The following SHISA7 variants were observed in gnomAD, a reference collection of about 807,000 sequenced individuals.
The protein encoded by SHISA7 is protein shisa-7.
A neutral mutation model predicts 23.9 loss-of-function variants in SHISA7; 6 were observed. The observed-to-expected ratio is 0.25, with a 90% CI of 0.14 to 0.50. The LOEUF is 0.50. Among genes scored for constraint, SHISA7 ranks in the 20% least tolerant of loss-of-function variants. The probability of loss-of-function intolerance (pLI) is 0.98; values close to 1 mark genes in which losing one functional copy is unlikely to be tolerated. For synonymous variants in SHISA7, 386 were observed against 398.3 expected (o/e 0.97, Z 0.37); for missense variants, 671 against 801.1 (o/e 0.84, Z 1.96).
intron 3 of SHISA7, among the ~76,000 whole-genome samples, 174 bp downstream of exon 3, chr19:55,437,431 A>G (rs1985490975): frequency 6.6e-6 from 1 of 152,198 alleles, no homozygotes; most frequent in African/African-American, 2.4e-5. Flanking sequence ...AAAAAAAATC[A>G]GAAGTGATTC....
chr19:55,441,192 C>T (rs1985591498), intron 1 of SHISA7, among the ~76,000 whole-genome samples: 1 of 152,120 alleles, frequency 6.6e-6, no homozygotes, highest in South Asian at 2.1e-4. Flanking sequence ...ACGGATCGAA[C>T]CTCCAAAACA....
intron 2 of SHISA7, 125 bp downstream of exon 2, chr19:55,440,486 G>A (rs1985571079): frequency 8.7e-6 from 8 of 920,456 alleles, no homozygotes; most frequent in African/African-American, 1.7e-5. Context: ...GGCAGTGCAA[G>A]GCGGGCGTAG....
rs1023953712 is a variant in SHISA7 at position 55,433,697 on chromosome 19, C to A, written c.1076G>T (p.Gly359Val). 1.0e-5 allele frequency: 15 copies of A among 1,478,832 alleles called. No individual in the cohort carries two copies. Among genetic ancestry groups the A allele is most frequent in the South Asian group, 5.1e-5 (4 of 78,248 alleles). 91.6% of individuals were successfully genotyped at this position (1,478,832 alleles called of 1,614,324 possible). The change falls in exon 4 of 4, where the codon GGC (glycine) becomes GTC (valine). Residue 359 changes from glycine (G) to valine (V), a missense_variant. By Grantham distance (109) the Gly-to-Val change is moderately radical (BLOSUM62 -3). This residue lies in a region of SHISA7 where 457 missense variants were observed against 488.3 expected (regional missense o/e 0.94). Coordinates refer to ENST00000376325, the MANE Select transcript of SHISA7 (RefSeq NM_001145176.2). This position sits in a 1 kb window ranked among gnomAD's most constrained non-coding sequence, Gnocchi z 8.4. ...GCCCCAGGCCTCCATGCGATAGCCG[C>A]CCCCCGTGCCCGGCCGCCGCAGCGC... ...LHALRRPGTGGGYRMEAWGGP... is the reference protein window; with the variant it reads ...LHALRRPGTGVGYRMEAWGGP...
intron 3 of SHISA7, among the ~76,000 whole-genome samples, chr19:55,434,640 TTGTGTGTATGGTG>T (rs1985341761): frequency 2.7e-5 from 2 of 74,694 alleles, no homozygotes; most frequent in Admixed American, 1.5e-4. Context: ...GTGTGTGTGG[TTGTGTGTATGGTG>T]TGTGTGGTGT....
At position 55,443,157 on chromosome 19, in the gene SHISA7, A is replaced by T. The variant is rs548200222; in HGVS notation, c.-294T>A. The stretch of plus-strand genomic sequence containing the variant: ...CGGGCACGGCTGGGGGAGAGAAATG[A>T]GCATGGGCGGACAGAACCGGGATCA... On this transcript the variant is annotated 5_prime_UTR_variant, in exon 1 of 4. Transcript: ENST00000376325. 4.0e-5 allele frequency among the ~76,000 whole-genome samples: 6 copies of T among 151,664 alleles called. No homozygotes were observed. Among genetic ancestry groups the T allele is most frequent in the African/African-American group, 1.5e-4 (6 of 41,274 alleles).
chr19:55,437,525 G>A (rs1985493276), intron 3 of SHISA7, 80 bp downstream of exon 3: 10 of 1,451,888 alleles, frequency 6.9e-6, no homozygotes, highest in Non-Finnish European at 8.2e-6. Context: ...AGGCTCTTGG[G>A]CCACTGTCCA....
chr19:55,438,877 C>CCT (rs11431705), intron 2 of SHISA7, among the ~76,000 whole-genome samples: 54,972 of 151,622 alleles, frequency 0.36, 11,085 homozygotes, highest in African/African-American at 0.55. Context: ...AGCACCCCCC[C>CCT]CCCTGGTGCC....
chr19:55,434,000 TCC>T lies in SHISA7; in HGVS notation c.977-206_977-205del, dbSNP rs779536193. Among the ~76,000 whole-genome samples the T allele has an allele frequency of 2.8e-4, 43 of 151,116 alleles. No homozygotes were observed. The highest frequency in any genetic ancestry group is 5.2e-4 in the Non-Finnish European group (35 of 67,814). The stretch of plus-strand genomic sequence containing the variant: ...GTAGATGTGGAGGACTTCCTCTTCT[TCC>T]CCCCCGCGCCGCCTATCCCTTCTTT... On this transcript the variant is annotated intron_variant, in intron 3 of 3. Coordinates refer to ENST00000376325, the MANE Select transcript of SHISA7 (RefSeq NM_001145176.2). This position sits in a 1 kb window ranked among gnomAD's most constrained non-coding sequence, Gnocchi z 8.4.
In SHISA7 at chr19:55,442,432, A is replaced by T. The variant is rs1352257453; in HGVS notation, c.432T>A (p.Ala144=). The change falls in exon 1 of 4, where the codon GCT becomes GCA. Residue 144 remains alanine (A), a synonymous_variant. Transcript: ENST00000376325. ...CACCCCCAGCGCCCCCGGCGCCCCC[A>T]GCTAGCGGCGGCGGCGTGGTGGCCC... ...PRWATTPPPL[A]GGAGGAGGAG... 7.1e-7 allele frequency: 1 copy of T among 1,410,494 alleles called. No homozygotes were observed. Among genetic ancestry groups the T allele is most frequent in the African/African-American group, 1.5e-5 (1 of 65,752 alleles). The allele number at this position is 1,410,494 out of a possible 1,614,324, so 87.4% of individuals were successfully genotyped here.
rs1264602522 is a variant in SHISA7 at position 55,431,908 on chromosome 19, C to T, written c.*1248G>A. On this transcript the variant is annotated 3_prime_UTR_variant, in exon 4 of 4. Transcript: ENST00000376325. ...ATGTGGGATCCAAGGCCCCATTTCCCCTCAGAGGGTCTGGCAGAGATCCTG... is the reference window on the plus strand; with the variant it reads ...ATGTGGGATCCAAGGCCCCATTTCCTCTCAGAGGGTCTGGCAGAGATCCTG... 6.6e-6 allele frequency: 1 copy of T among 152,208 alleles called. No homozygotes were observed. The highest frequency in any genetic ancestry group is 2.4e-5 in the African/African-American group (1 of 41,430). The allele number at this position is 152,208 out of a possible 1,614,324, so 9.4% of individuals were successfully genotyped here.
chr19:55,441,538 G>C (rs1985598545), intron 1 of SHISA7, among the ~76,000 whole-genome samples: 1 of 152,198 alleles, frequency 6.6e-6, no homozygotes, highest in Non-Finnish European at 1.5e-5. Flanking sequence ...ACAGATCTCT[G>C]CGTGGTTCGC....
Position 55,442,377 on chromosome 19 carries a change from C to T in SHISA7, c.487G>A (p.Gly163Arg). ...CCAGTCCGGCCCCCTTCCAACCACCCGGCCTGGCCGGGCCCTGGCCCCCCG... is the reference window on the plus strand; with the variant it reads ...CCAGTCCGGCCCCCTTCCAACCACCTGGCCTGGCCGGGCCCTGGCCCCCCG... Reference protein sequence around the residue: ...AGGGPGPGQAGWLEGGRTGGA... With the variant: ...AGGGPGPGQARWLEGGRTGGA... Residue 163 changes from glycine (G) to arginine (R), a missense_variant, in exon 1 of 4, where the codon GGG becomes AGG. Transcript: ENST00000376325. 7.3e-7 allele frequency: 1 copy of T among 1,370,692 alleles called. No individual in the cohort carries two copies. Among genetic ancestry groups the T allele is most frequent in the Non-Finnish European group, 9.3e-7 (1 of 1,071,894 alleles). 84.9% of individuals were successfully genotyped at this position (1,370,692 alleles called of 1,614,324 possible). A position where few individuals can be genotyped will look rare whatever the true frequency, so the allele number is the denominator to read the frequency against.
intron 2 of SHISA7, among the ~76,000 whole-genome samples, chr19:55,438,847 G>A (rs1380250457): frequency 7.0e-6 from 1 of 142,736 alleles, no homozygotes; most frequent in African/African-American, 2.7e-5. Flanking sequence ...GGCTGGGTAA[G>A]TGGTCTGTCC....
Position 55,432,995 on chromosome 19 carries a change from G to T in SHISA7, c.*161C>A. On this transcript the variant is annotated 3_prime_UTR_variant, in exon 4 of 4. Transcript: ENST00000376325. The surrounding 1 kb of genome is among the most constrained non-coding windows in gnomAD (Gnocchi z 4.6). Reference sequence around the variant, plus strand: ...TGGCTCAAGCAGTGAAGTAATAGGAGGAGGAATCTTGTCTGCCAGGACATC... The same window carrying T: ...TGGCTCAAGCAGTGAAGTAATAGGATGAGGAATCTTGTCTGCCAGGACATC... 1 of 870,432 alleles carries T rather than the reference G, an allele frequency of 1.1e-6. No individual in the cohort carries two copies. The highest frequency in any genetic ancestry group is 1.6e-6 in the Non-Finnish European group (1 of 610,204). 53.9% of individuals were successfully genotyped at this position (870,432 alleles called of 1,614,324 possible).
intron 3 of SHISA7, among the ~76,000 whole-genome samples, chr19:55,436,418 C>G (rs1258910103): frequency 2.0e-5 from 3 of 151,762 alleles, no homozygotes; most frequent in Non-Finnish European, 4.4e-5. Flanking sequence ...GCCTCACCAA[C>G]ATGGTGAAAC....
intron 3 of SHISA7, among the ~76,000 whole-genome samples, chr19:55,434,577 G>C (rs1330401241): frequency 9.4e-6 from 1 of 105,886 alleles, no homozygotes; most frequent in Non-Finnish European, 2.0e-5. Context: ...TGTGTGTATG[G>C]TGTGTGTGTG....
intron 3 of SHISA7, among the ~76,000 whole-genome samples, chr19:55,434,897 T>C (rs1191699899): frequency 8.6e-6 from 1 of 116,168 alleles, no homozygotes; most frequent in East Asian, 2.6e-4. Flanking sequence ...ATGTGGTGTG[T>C]GTGGTGTGTG....
In SHISA7 at chr19:55,437,588, C is replaced by A; in HGVS notation, c.976+17G>T. On this transcript the variant is annotated intron_variant, in intron 3 of 3. Coordinates refer to ENST00000376325, the MANE Select transcript of SHISA7 (RefSeq NM_001145176.2). ...CCCCCTCCCCTTCACCGCCGCGCTGCCCTTGCCAGGACTCACCCAGCCTCT... is the reference window on the plus strand; with the variant it reads ...CCCCCTCCCCTTCACCGCCGCGCTGACCTTGCCAGGACTCACCCAGCCTCT... The A allele has an allele frequency of 6.5e-7, 1 of 1,549,524 alleles. No homozygotes were observed. The highest frequency in any genetic ancestry group is 2.0e-5 in the Admixed American group (1 of 50,858).
In SHISA7 at chr19:55,436,989, C is replaced by G. The variant is rs373268503; in HGVS notation, c.976+616G>C. On this transcript the variant is annotated intron_variant, in intron 3 of 3. Coordinates refer to ENST00000376325, the MANE Select transcript of SHISA7 (RefSeq NM_001145176.2). ...TTTAAGATGTTTGAAGGCTGCTCCA[C>G]TGTCAGCAATGGGCCACGGACTGCA... Among the ~76,000 whole-genome samples the G allele has an allele frequency of 1.8e-4, 28 of 152,354 alleles. No individual in the cohort carries two copies. In the East Asian group the frequency reaches 4.6e-3, roughly 25 times the overall value.
Sources: gnomAD v4.1 joint callset for allele counts (sites outside exome capture counted in the v4.1 genomes callset) on GRCh38, gnomAD v4.1.1 for gene constraint, gnomAD v4.1.1 regional missense constraint, Gnocchi (gnomAD v3.1) non-coding constraint, MANE v1.5 for transcripts, NCBI Gene and HGNC (gene_info 2026-07-23, HGNC 2026-07-21) for gene names.